The following INSC variants were observed in gnomAD, a reference collection of about 807,000 sequenced individuals.
INSC encodes the protein INSC spindle orientation adaptor protein, also known as protein inscuteable homolog.
A neutral mutation model predicts 58.6 loss-of-function variants in INSC; 67 were observed. That is an observed-to-expected ratio of 1.14 (90% CI 0.94 to 1.40). The LOEUF (loss-of-function observed/expected upper bound fraction) is 1.40. INSC is among the 40% of genes most tolerant of loss of function. The pLI is 0.00. For missense variants in INSC, 714 were observed against 692.0 expected, an observed-to-expected ratio of 1.03 and a Z score of -0.36; for synonymous variants, 262 against 276.1, an observed-to-expected ratio of 0.95 and a Z score of 0.51.
chr11:15,144,512 T>C (rs1440768328), intron 1 of INSC, among the ~76,000 whole-genome samples: 9 of 152,192 alleles, frequency 5.9e-5, no homozygotes, highest in Non-Finnish European at 8.8e-5. Flanking sequence ...CCAACTCCTC[T>C]TCAACTCCCA....
rs148933358 is a variant in INSC at position 15,148,929 on chromosome 11, G to A, written c.-45-201G>A. ...ATTTTAGAGATATAAAGTGGGCTAG[G>A]GACTTAGAAACAAGATCAAATCTGG... On this transcript the variant is annotated intron_variant, in intron 1 of 12. Coordinates refer to ENST00000379556, the MANE Select transcript of INSC (RefSeq NM_001042536.3). Among the ~76,000 whole-genome samples the A allele has an allele frequency of 3.2e-3, 493 of 152,264 alleles. 1 individual carries two copies. Among genetic ancestry groups the A allele is most frequent in the South Asian group, 0.024 (114 of 4,814 alleles).
intron 7 of INSC, among the ~76,000 whole-genome samples, chr11:15,202,218 C>G (rs567153543): frequency 8.5e-5 from 13 of 152,192 alleles, no homozygotes; most frequent in African/African-American, 3.1e-4. Context: ...GTCTTCATAT[C>G]TAGTTGCTAT....
chr11:15,187,415 C>T (rs748917612), intron 5 of INSC, among the ~76,000 whole-genome samples: 57 of 152,152 alleles, frequency 3.7e-4, no homozygotes, highest in Non-Finnish European at 6.6e-4. Flanking sequence ...TTTTATGTAA[C>T]CCCTTTGCAC....
the INSC span, among the ~76,000 whole-genome samples, chr11:15,257,227 T>C: frequency 6.6e-6 from 1 of 152,220 alleles, no homozygotes; most frequent in African/African-American, 2.4e-5. Flanking sequence ...TCCATTATTA[T>C]TTACTGATTG....
Position 15,147,574 on chromosome 11 carries a change from A to C in INSC, c.-45-1556A>C, listed in dbSNP as rs1199388179. On this transcript the variant is annotated intron_variant, in intron 1 of 12. Coordinates refer to ENST00000379556, the MANE Select transcript of INSC (RefSeq NM_001042536.3). ...AGATGAAGAGATGGGGCTCAACATC[A>C]ATGTGTTAAAAATTTATCCCTCTTA... Among the ~76,000 whole-genome samples the C allele has an allele frequency of 2.0e-5, 3 of 152,208 alleles. No homozygotes were observed. In the East Asian group the frequency reaches 5.8e-4, roughly 29 times the overall value.
At chr11:15,114,738 C>G (rs1847649621), upstream of INSC, among the ~76,000 whole-genome samples, 1 of 152,290 alleles carries the variant, frequency 6.6e-6, no homozygotes, top group East Asian at 1.9e-4. Context: ...GAAATAGCCT[C>G]GTAGTCCCGC....
chr11:15,206,221 A>G (rs1850791461), intron 7 of INSC, among the ~76,000 whole-genome samples: 1 of 152,144 alleles, frequency 6.6e-6, no homozygotes, highest in African/African-American at 2.4e-5. Flanking sequence ...GGGCTGTCCC[A>G]TGGCCATCAG....
chr11:15,177,831 T>TC (rs1214475716), intron 4 of INSC, among the ~76,000 whole-genome samples: 3 of 152,132 alleles, frequency 2.0e-5, no homozygotes, highest in Non-Finnish European at 2.9e-5. Flanking sequence ...TGGAACCTGA[T>TC]CCCCCTCTGT....
chr11:15,133,914 T>C lies in INSC; in HGVS notation c.-45-15216T>C, dbSNP rs183966297. 5.1e-3 allele frequency among the ~76,000 whole-genome samples: 780 copies of C among 152,332 alleles called. 6 individuals carry two copies. Among genetic ancestry groups the C allele is most frequent in the Non-Finnish European group, 7.1e-3 (481 of 68,030 alleles). On this transcript the variant is annotated intron_variant, in intron 1 of 12. Transcript: ENST00000379556. ...TAAAGTATCTGGGCTACCATATTGTTGGAGATAACAATCTTGTATGAGTTT... is the reference window on the plus strand; with the variant it reads ...TAAAGTATCTGGGCTACCATATTGTCGGAGATAACAATCTTGTATGAGTTT...
chr11:15,192,706 A>G (rs568624008), intron 6 of INSC, among the ~76,000 whole-genome samples: 4 of 152,314 alleles, frequency 2.6e-5, no homozygotes, highest in East Asian at 1.9e-4. Context: ...TGAGTATCCA[A>G]TGGGTCATCC....
intron 5 of INSC, among the ~76,000 whole-genome samples, chr11:15,185,371 C>G (rs1249831470): frequency 6.6e-6 from 1 of 151,790 alleles, no homozygotes; most frequent in Non-Finnish European, 1.5e-5. Flanking sequence ...ATGAATTATC[C>G]TAAAAATGAT....
intron 1 of INSC, among the ~76,000 whole-genome samples, chr11:15,142,811 T>C (rs1461100939): frequency 6.6e-6 from 1 of 152,130 alleles, no homozygotes; most frequent in African/African-American, 2.4e-5. Context: ...TTTTTTGTTT[T>C]TTTGTATATA....
At chr11:15,143,247 G>C (rs569445425) in intron 1 of INSC, among the ~76,000 whole-genome samples, 1 of 152,170 alleles carries the variant, frequency 6.6e-6, no homozygotes, top group Non-Finnish European at 1.5e-5. Context: ...GTCTATGGAG[G>C]AGAAATACCG....
At chr11:15,154,755 C>T (rs1848754951) in intron 2 of INSC, among the ~76,000 whole-genome samples, 1 of 152,094 alleles carries the variant, frequency 6.6e-6, no homozygotes, top group Non-Finnish European at 1.5e-5. Context: ...GGGACCCTTC[C>T]AGCTTTAACA....
chr11:15,269,324 C>G, the INSC span, among the ~76,000 whole-genome samples: 1 of 151,968 alleles, frequency 6.6e-6, no homozygotes, highest in Non-Finnish European at 1.5e-5. Context: ...ATGGCTTCTT[C>G]TACATGTTCC....
chr11:15,225,926 G>A (rs2133942982), intron 9 of INSC, 98 bp downstream of exon 9: 1 of 1,227,948 alleles, frequency 8.1e-7, no homozygotes. Flanking sequence ...AGAGAGCATG[G>A]GAGTCCTGTT....
chr11:15,258,043 A>G, the INSC span, among the ~76,000 whole-genome samples: 1 of 152,214 alleles, frequency 6.6e-6, no homozygotes, highest in Admixed American at 6.5e-5. Context: ...CCTTTATTTC[A>G]TTAATAATAA....
the INSC span, among the ~76,000 whole-genome samples, chr11:15,266,983 A>T: frequency 2.6e-5 from 4 of 152,020 alleles, no homozygotes; most frequent in African/African-American, 9.7e-5. Flanking sequence ...TCCTTTGTGT[A>T]AATTCGGATT....
chr11:15,220,606 C>A (rs1851400249), intron 7 of INSC, among the ~76,000 whole-genome samples: 1 of 152,184 alleles, frequency 6.6e-6, no homozygotes, highest in South Asian at 2.1e-4. Flanking sequence ...AGTCAATGAA[C>A]CTTTCTGTGA....
Sources: allele counts gnomAD v4.1 joint callset (sites outside exome capture counted in the v4.1 genomes callset), GRCh38; gene constraint gnomAD v4.1.1; transcripts MANE v1.5; gene names NCBI Gene and HGNC (gene_info 2026-07-23, HGNC 2026-07-21).